The following COL20A1 variants were observed in gnomAD, a reference collection of about 807,000 sequenced individuals.
The protein encoded by COL20A1 is collagen alpha-1(XX) chain.
A neutral mutation model predicts 152.9 loss-of-function variants in COL20A1; 164 were observed. The ratio of observed to expected loss-of-function variants is 1.07; its 90% CI spans 0.94 to 1.22. COL20A1 has a LOEUF of 1.22. Ranked by LOEUF, COL20A1 falls within the 50% of genes most tolerant of loss-of-function variation. The pLI, the probability that COL20A1 is intolerant of heterozygous loss-of-function variation, is 0.00. For missense variants in COL20A1, 1,873 were observed against 1,744.8 expected (o/e 1.07, Z -1.31); for synonymous variants, 864 against 756.0 (o/e 1.14, Z -2.34).
chr20:63,329,520 C>A, intron 34 of COL20A1, 65 bp from the exon 35 acceptor site: 2 of 1,286,694 alleles, frequency 1.6e-6, no homozygotes, highest in Non-Finnish European at 2.2e-6. Context: ...CCCTCTGTCC[C>A]CGTCAGAACA....
intron 3 of COL20A1, among the ~76,000 whole-genome samples, chr20:63,298,556 G>A (rs1021117146): frequency 2.0e-5 from 3 of 152,128 alleles, no homozygotes; most frequent in Non-Finnish European, 2.9e-5. Flanking sequence ...TCACAGTGCT[G>A]GGATTACAGG....
Position 63,311,264 on chromosome 20 carries a change from G to A in COL20A1, c.1394-130G>A, listed in dbSNP as rs2068001141. 9.7e-6 allele frequency: 10 copies of A among 1,035,504 alleles called. No individual in the cohort carries two copies. The highest frequency in any genetic ancestry group is 1.4e-5 in the Non-Finnish European group (10 of 734,096). 64.1% of individuals were successfully genotyped at this position (1,035,504 alleles called of 1,614,324 possible). A position where few individuals can be genotyped will look rare whatever the true frequency, so the allele number is the denominator to read the frequency against. ...CTTGGCCCAAGGTGAAGCCTGGGAA[G>A]TGCCACTTTGAATCCTGTGCACCTG... On this transcript the variant is annotated intron_variant, in intron 11 of 35. Transcript: ENST00000358894. The surrounding 1 kb of genome is among the most constrained non-coding windows in gnomAD (Gnocchi z 4.4).
At chr20:63,325,003 G>T (rs961587411) in intron 27 of COL20A1, 1 of 302,384 alleles carries the variant, frequency 3.3e-6, no homozygotes, top group Non-Finnish European at 6.5e-6. Flanking sequence ...GGGAGGGCTG[G>T]GGGTGAGGTT....
chr20:63,309,794 C>T lies in COL20A1; in HGVS notation c.1142C>T (p.Thr381Ile), dbSNP rs748358276. The change falls in exon 10 of 36, where the codon ACC (threonine) becomes ATC (isoleucine). Residue 381 changes from threonine (T) to isoleucine (I), a missense_variant. By Grantham distance (89) the Thr-to-Ile change is moderately conservative (BLOSUM62 -1). Transcript: ENST00000358894. ...APALDTLPAPTSLVLSQVTSS... is the reference protein window; with the variant it reads ...APALDTLPAPISLVLSQVTSS... ...GCCCTGGACACCCTCCCTGCCCCCA[C>T]CAGCCTGGTCCTGAGCCAGGTGACC... 3.1e-6 allele frequency: 5 copies of T among 1,604,312 alleles called. No individual in the cohort carries two copies. The highest frequency in any genetic ancestry group is 4.3e-6 in the Non-Finnish European group (5 of 1,176,356).
In COL20A1 at chr20:63,306,974, C is replaced by T. The variant is rs956791389; in HGVS notation, c.497-516C>T. On this transcript the variant is annotated intron_variant, in intron 5 of 35. Coordinates refer to ENST00000358894, the MANE Select transcript of COL20A1 (RefSeq NM_020882.4). This position sits in a 1 kb window ranked among gnomAD's most constrained non-coding sequence, Gnocchi z 6.9. ...CTCAGGGCAGCTGGGCCTCTTCGGT[C>T]GCCCCACGGGGGGCTCCACCGTGAT... Among the ~76,000 whole-genome samples the T allele has an allele frequency of 2.6e-5, 4 of 152,216 alleles. No homozygotes were observed. The highest frequency in any genetic ancestry group is 5.9e-5 in the Non-Finnish European group (4 of 68,024).
chr20:63,329,171 T>G (rs897765406), intron 34 of COL20A1: 3 of 201,896 alleles, frequency 1.5e-5, no homozygotes, highest in African/African-American at 7.1e-5. Context: ...CTCAGGAAAC[T>G]GGGGGCAACC....
At chr20:63,326,845 A>G (rs751763316) in intron 31 of COL20A1, 22 bp downstream of exon 31, 8 of 1,474,716 alleles carry the variant, frequency 5.4e-6, no homozygotes, top group Non-Finnish European at 7.1e-6. Flanking sequence ...TCCAACACCC[A>G]CCAGCCAACC....
chr20:63,329,461 C>T (rs2068302913), intron 34 of COL20A1, 124 bp from the exon 35 acceptor site: 1 of 701,206 alleles, frequency 1.4e-6, no homozygotes, highest in East Asian at 2.7e-5. Flanking sequence ...TCTCAGACTC[C>T]CATCTAAGGA....
intron 10 of COL20A1, among the ~76,000 whole-genome samples, chr20:63,310,148 G>T (rs574721943): frequency 6.6e-6 from 1 of 152,192 alleles, no homozygotes; most frequent in Non-Finnish European, 1.5e-5. Flanking sequence ...TTCCGAGGGT[G>T]CTGGGGTTAG....
chr20:63,327,401 G>A (rs2068268058), intron 31 of COL20A1: 1 of 180,902 alleles, frequency 5.5e-6, no homozygotes, highest in South Asian at 1.1e-4. Context: ...CCCCACCCAG[G>A]ACAGACGTGG....
chr20:63,305,967 G>A lies in COL20A1; in HGVS notation c.424G>A (p.Gly142Arg). The change falls in exon 5 of 36, where the codon GGG (glycine) becomes AGG (arginine). Residue 142 changes from glycine (G) to arginine (R), a missense_variant. Coordinates refer to ENST00000358894, the MANE Select transcript of COL20A1 (RefSeq NM_020882.4). The surrounding 1 kb of genome is among the most constrained non-coding windows in gnomAD (Gnocchi z 4.9). ...CCCGGAGCCCACCCCCTCCCACACG[G>A]GGAGCCCAGACCCTGAGCAGGCTTC... is the stretch of plus-strand genomic sequence containing the variant. ...GAPEPTPSHTGSPDPEQASEP... is the reference protein window; with the variant it reads ...GAPEPTPSHTRSPDPEQASEP... 6.2e-7 allele frequency: 1 copy of A among 1,612,796 alleles called. No individual in the cohort carries two copies. The highest frequency in any genetic ancestry group is 8.5e-7 in the Non-Finnish European group (1 of 1,179,818).
At chr20:63,303,902 G>C (rs1364407002) in intron 3 of COL20A1, among the ~76,000 whole-genome samples, 5 of 147,896 alleles carry the variant, frequency 3.4e-5, no homozygotes, top group Admixed American at 6.7e-5. Context: ...TCTCCCTGCA[G>C]GTGTGCAGGT....
chr20:63,308,467 G>C, intron 7 of COL20A1, 75 bp from the exon 8 acceptor site: 1 of 1,357,610 alleles, frequency 7.4e-7, no homozygotes, highest in Non-Finnish European at 1.0e-6. Flanking sequence ...CATCTCTGCT[G>C]TCCGGTTGCT....
rs1467179370 is a variant in COL20A1 at position 63,305,940 on chromosome 20, G to GC, written c.401dup (p.Glu135GlyfsTer13). ...CAGCCAGAGGCCCCTCGGCTCTGGA[G>GC]CCCCGGAGCCCACCCCCTCCCACAC... On this transcript the variant is annotated frameshift_variant, in exon 5 of 36. Coordinates refer to ENST00000358894, the MANE Select transcript of COL20A1 (RefSeq NM_020882.4). LOFTEE classifies it high-confidence loss of function. This position sits in a 1 kb window ranked among gnomAD's most constrained non-coding sequence, Gnocchi z 4.9. The GC allele has an allele frequency of 1.2e-6, 2 of 1,612,702 alleles. No homozygotes were observed. The highest frequency in any genetic ancestry group is 3.3e-5 in the Admixed American group (2 of 60,004).
intron 21 of COL20A1, among the ~76,000 whole-genome samples, 176 bp from the exon 22 acceptor site, chr20:63,318,882 G>A (rs990948530): frequency 3.9e-5 from 6 of 151,972 alleles, no homozygotes; most frequent in African/African-American, 1.2e-4. Context: ...GGGAGCCAGC[G>A]GCCTCCACGC....
In COL20A1 at chr20:63,320,139, G is replaced by C; in HGVS notation, c.3017G>C (p.Gly1006Ala). The part of the protein sequence containing the change: ...LGEMGSPPAA[G>A]FVTLGRLAKA... ...GAGATGGGCAGCCCACCCGCTGCGGGCTTCGTCACGCTGGGGAGGCTGGCC... is the reference window on the plus strand; with the variant it reads ...GAGATGGGCAGCCCACCCGCTGCGGCCTTCGTCACGCTGGGGAGGCTGGCC... The change falls in exon 24 of 36, where the codon GGC becomes GCC. Residue 1006 changes from glycine to alanine, a missense_variant. Gly to Ala is a moderately conservative substitution (Grantham distance 60). Coordinates refer to ENST00000358894, the MANE Select transcript of COL20A1 (RefSeq NM_020882.4). The C allele has an allele frequency of 6.5e-7, 1 of 1,548,316 alleles. No individual in the cohort carries two copies. Among genetic ancestry groups the C allele is most frequent in the African/African-American group, 1.4e-5 (1 of 73,304 alleles).
chr20:63,325,598 C>G, intron 28 of COL20A1, 70 bp from the exon 29 acceptor site: 1 of 1,558,370 alleles, frequency 6.4e-7, no homozygotes, highest in Non-Finnish European at 8.8e-7. Context: ...GGGGGTGAGG[C>G]CTCACAGGCA....
In COL20A1 at chr20:63,306,180, G is replaced by T. The variant is rs1228442797; in HGVS notation, c.496+141G>T. ...CCACGAGGCCAGGAAGTTCTTCCTC[G>T]TGTCTGACCACACGGTCTCTGACCA... is the stretch of plus-strand genomic sequence containing the variant. On this transcript the variant is annotated intron_variant, in intron 5 of 35. Coordinates refer to ENST00000358894, the MANE Select transcript of COL20A1 (RefSeq NM_020882.4). The surrounding 1 kb of genome is among the most constrained non-coding windows in gnomAD (Gnocchi z 6.9). 9.1e-6 allele frequency: 6 copies of T among 657,040 alleles called. No homozygotes were observed. In the East Asian group the frequency reaches 1.7e-4, roughly 19 times the overall value. 40.7% of individuals were successfully genotyped at this position (657,040 alleles called of 1,614,324 possible). A position where few individuals can be genotyped will look rare whatever the true frequency, so the allele number is the denominator to read the frequency against.
In COL20A1 at chr20:63,310,658, C is replaced by T. The variant is rs539860760; in HGVS notation, c.1393+148C>T. 21 of 902,410 alleles carry T rather than the reference C, an allele frequency of 2.3e-5. No individual in the cohort carries two copies. The South Asian group carries it at 3.4e-4, about 15-fold the overall frequency. 55.9% of individuals were successfully genotyped at this position (902,410 alleles called of 1,614,324 possible). On this transcript the variant is annotated intron_variant, in intron 11 of 35. Coordinates refer to ENST00000358894, the MANE Select transcript of COL20A1 (RefSeq NM_020882.4). ...GCACCATCCCCAGCTTGCTGTGTGA[C>T]CAAGGCCGAGTCACTGGGCCCCTCT...
Sources: gnomAD v4.1 joint callset for allele counts (sites outside exome capture counted in the v4.1 genomes callset) on GRCh38, gnomAD v4.1.1 for gene constraint, Gnocchi (gnomAD v3.1) non-coding constraint, MANE v1.5 for transcripts, NCBI Gene and HGNC (gene_info 2026-07-23, HGNC 2026-07-21) for gene names.